ANO4: variants seen among roughly 807,000 people sequenced by gnomAD.
The protein encoded by ANO4 is anoctamin-4.
ANO4 carries 69 observed loss-of-function variants against 141.9 expected under a neutral mutation model. The observed-to-expected ratio is 0.49, with a 90% CI of 0.40 to 0.59. The LOEUF is 0.59. Among genes scored for constraint, ANO4 ranks in the 20% least tolerant of loss-of-function variants. The pLI is 0.00. For missense variants in ANO4, 894 were observed against 1,162.2 expected, an observed-to-expected ratio of 0.77 and a Z score of 3.36; for synonymous variants, 350 against 394.3, an observed-to-expected ratio of 0.89 and a Z score of 1.33.
intron 26 of ANO4, among the ~76,000 whole-genome samples, chr12:101,121,391 T>A (rs1200618991): frequency 2.0e-5 from 3 of 152,190 alleles, no homozygotes; most frequent in South Asian, 2.1e-4. Flanking sequence ...GCTACATCCA[T>A]GTTGCTGCAA....
chr12:101,012,001 C>A (rs558777459), intron 8 of ANO4, among the ~76,000 whole-genome samples: 1 of 152,054 alleles, frequency 6.6e-6, no homozygotes, highest in South Asian at 2.1e-4. Context: ...AATGGAAAAA[C>A]CATCTTCCTT....
intron 8 of ANO4, among the ~76,000 whole-genome samples, chr12:100,989,736 TAGATGGATGGATATATGG>T (rs1566096399): frequency 0.03 from 4,297 of 141,758 alleles, 148 homozygotes; most frequent in East Asian, 0.15. Flanking sequence ...GATGGGTGGA[TAGATGGATGGATATATGG>T]ATGGATGGAT....
At chr12:100,866,113 A>G (rs2038741229) in intron 1 of ANO4, among the ~76,000 whole-genome samples, 1 of 152,188 alleles carries the variant, frequency 6.6e-6, no homozygotes, top group Non-Finnish European at 1.5e-5. Flanking sequence ...GAGAGAGGAT[A>G]CGGAGGGGAA....
At chr12:100,807,419 A>G (rs1022126005) in intron 1 of ANO4, among the ~76,000 whole-genome samples, 26 of 151,882 alleles carry the variant, frequency 1.7e-4, no homozygotes, top group African/African-American at 6.1e-4. Context: ...GGCTAGCCTC[A>G]CCCCTATTAC....
At chr12:100,889,377 G>A (rs1320024757) in intron 1 of ANO4, among the ~76,000 whole-genome samples, 1 of 152,052 alleles carries the variant, frequency 6.6e-6, no homozygotes, top group Non-Finnish European at 1.5e-5. Context: ...ATGATTTATA[G>A]TCCTTTGGGT....
At chr12:100,777,271 T>C (rs917958190) in intron 3 of ANO4, among the ~76,000 whole-genome samples, 1 of 113,232 alleles carries the variant, frequency 8.8e-6, no homozygotes, top group Non-Finnish European at 1.7e-5. Flanking sequence ...TTTTGTATCT[T>C]TTTTTTTTTT....
intron 9 of ANO4, among the ~76,000 whole-genome samples, chr12:101,027,113 G>A (rs929368984): frequency 5.9e-5 from 9 of 152,150 alleles, no homozygotes; most frequent in Non-Finnish European, 1.0e-4. Context: ...GCGGCAGCCC[G>A]TCTGAGAGCC....
intron 14 of ANO4, among the ~76,000 whole-genome samples, chr12:101,061,947 G>T (rs1338225062): frequency 6.6e-6 from 1 of 152,028 alleles, no homozygotes; most frequent in African/African-American, 2.4e-5. Flanking sequence ...TGATCCTTTG[G>T]AGGAGAAGAG....
At chr12:101,072,851 C>T (rs1396091703) in intron 14 of ANO4, among the ~76,000 whole-genome samples, 5 of 152,156 alleles carry the variant, frequency 3.3e-5, no homozygotes, top group Admixed American at 6.5e-5. Context: ...CATCACTGGC[C>T]ATCAGAGGAA....
intron 27 of ANO4, among the ~76,000 whole-genome samples, chr12:101,127,440 G>A (rs1454747454): frequency 2.0e-5 from 3 of 152,136 alleles, no homozygotes; most frequent in African/African-American, 7.2e-5. Context: ...GTGGGTGGGA[G>A]GCAGACATTA....
chr12:100,791,236 G>C (rs557350138), upstream of ANO4, among the ~76,000 whole-genome samples: 4 of 151,956 alleles, frequency 2.6e-5, no homozygotes. Context: ...AAAATTAGCC[G>C]GGTGTGGTGG....
At chr12:101,094,369 A>G in intron 18 of ANO4, 77 bp downstream of exon 18, 2 of 1,195,664 alleles carry the variant, frequency 1.7e-6, no homozygotes, top group Non-Finnish European at 2.4e-6. Context: ...TTTCTCTAAT[A>G]CTGCTGGAAA....
chr12:101,041,688 G>A (rs1246279245), intron 11 of ANO4, among the ~76,000 whole-genome samples: 4 of 152,212 alleles, frequency 2.6e-5, no homozygotes, highest in Admixed American at 6.5e-5. Flanking sequence ...TTGAAACATC[G>A]AGAAAAGAAA....
At chr12:101,053,274 G>T (rs117828579) in intron 14 of ANO4, among the ~76,000 whole-genome samples, 2 of 152,310 alleles carry the variant, frequency 1.3e-5, no homozygotes, top group Non-Finnish European at 1.5e-5. Flanking sequence ...GGGTTGGAAG[G>T]AGACATAGAT....
At chr12:100,734,313 A>T (rs979195160) in intron 2 of ANO4, among the ~76,000 whole-genome samples, 1 of 152,184 alleles carries the variant, frequency 6.6e-6, no homozygotes, top group African/African-American at 2.4e-5. Context: ...TCAAAGTGAG[A>T]CTTTCTCCTT....
At chr12:100,924,743 A>T (rs2041790486) in intron 3 of ANO4, among the ~76,000 whole-genome samples, 1 of 151,966 alleles carries the variant, frequency 6.6e-6, no homozygotes, top group Non-Finnish European at 1.5e-5. Flanking sequence ...AAGAGTTCAA[A>T]TTTTTTTTCA....
chr12:100,824,244 C>T (rs1291396341), intron 1 of ANO4, among the ~76,000 whole-genome samples: 2 of 151,840 alleles, frequency 1.3e-5, no homozygotes, highest in African/African-American at 4.8e-5. Flanking sequence ...TGACTCATCC[C>T]CCAAGTCTCA....
chr12:101,095,920 C>G (rs1242849544), intron 18 of ANO4, among the ~76,000 whole-genome samples: 2 of 151,996 alleles, frequency 1.3e-5, no homozygotes, highest in African/African-American at 4.8e-5. Context: ...TGAGATTGGC[C>G]CCTGACTGAG....
At chr12:101,032,005 G>A (rs1431816861) in intron 9 of ANO4, among the ~76,000 whole-genome samples, 3 of 152,128 alleles carry the variant, frequency 2.0e-5, no homozygotes, top group Non-Finnish European at 4.4e-5. Context: ...TGTTCATACT[G>A]CCCAAAGTAA....
Sources: allele counts gnomAD v4.1 joint callset (sites outside exome capture counted in the v4.1 genomes callset), GRCh38; gene constraint gnomAD v4.1.1; transcripts MANE v1.5; gene names NCBI Gene and HGNC (gene_info 2026-07-23, HGNC 2026-07-21).